Variants in CRTAC1 observed in about 807,000 individuals in gnomAD.
The protein encoded by CRTAC1 is cartilage acidic protein 1.
Under a neutral mutation model 67.8 loss-of-function variants are expected in CRTAC1, and 37 were observed. The ratio of observed to expected loss-of-function variants is 0.55; its 90% CI spans 0.42 to 0.72. The LOEUF is 0.72. Among genes scored for constraint, CRTAC1 ranks in the 30% least tolerant of loss-of-function variants. The pLI is 0.00. For missense variants in CRTAC1, 780 were observed against 931.6 expected (o/e 0.84, Z 2.12); for synonymous variants, 348 against 371.0 (o/e 0.94, Z 0.71).
intron 2 of CRTAC1, among the ~76,000 whole-genome samples, chr10:97,958,085 A>G (rs116696593): frequency 0.012 from 1,816 of 152,140 alleles, 38 homozygotes; most frequent in African/African-American, 0.041. Context: ...TTGGCCTCTC[A>G]AACCTGATGC....
chr10:98,027,262 G>A lies in CRTAC1; in HGVS notation c.24+3187C>T, dbSNP rs533847119. On this transcript the variant is annotated intron_variant, in intron 1 of 14. Coordinates refer to ENST00000370597, the MANE Select transcript of CRTAC1 (RefSeq NM_018058.7). ...CTCAGATGTCGACAGCCAGGCTCTCGGAACAGAAGAAAGGGCAATGGAAAT... is the reference window on the plus strand; with the variant it reads ...CTCAGATGTCGACAGCCAGGCTCTCAGAACAGAAGAAAGGGCAATGGAAAT... 4.0e-4 allele frequency among the ~76,000 whole-genome samples: 61 copies of A among 152,180 alleles called. 1 individual carries two copies. The highest frequency in any genetic ancestry group is 1.4e-3 in the African/African-American group (60 of 41,508).
chr10:97,870,607 A>G (rs1158130457), intron 14 of CRTAC1: 4 of 152,222 alleles, frequency 2.6e-5, no homozygotes, highest in Admixed American at 6.5e-5. Flanking sequence ...ATATTTCAAT[A>G]AAATTCACCA....
chr10:98,009,056 C>G (rs1201126526), intron 2 of CRTAC1, among the ~76,000 whole-genome samples: 4 of 152,166 alleles, frequency 2.6e-5, no homozygotes, highest in African/African-American at 9.7e-5. Flanking sequence ...GAACTGGACA[C>G]AGGCAAGGCT....
At chr10:97,940,690 G>A (rs2051159810) in intron 2 of CRTAC1, among the ~76,000 whole-genome samples, 1 of 152,200 alleles carries the variant, frequency 6.6e-6, no homozygotes, top group African/African-American at 2.4e-5. Flanking sequence ...CCACCTCCTG[G>A]TCTGACCCCA....
At chr10:98,020,903 G>A (rs1397908957) in intron 1 of CRTAC1, among the ~76,000 whole-genome samples, 1 of 152,190 alleles carries the variant, frequency 6.6e-6, no homozygotes, top group East Asian at 1.9e-4. Context: ...TACTGTGTCA[G>A]TACAGTGTGA....
chr10:97,877,283 C>T (rs1207137853), intron 14 of CRTAC1, among the ~76,000 whole-genome samples: 2 of 152,218 alleles, frequency 1.3e-5, no homozygotes, highest in Non-Finnish European at 2.9e-5. Flanking sequence ...GCACTTGGCT[C>T]CTCTATCTGG....
At chr10:97,993,548 A>G (rs1842499418) in intron 2 of CRTAC1, among the ~76,000 whole-genome samples, 1 of 152,234 alleles carries the variant, frequency 6.6e-6, no homozygotes, top group African/African-American at 2.4e-5. Flanking sequence ...AGTGCTGAGC[A>G]CACAACTATG....
In CRTAC1 at chr10:97,865,704, G is replaced by T; in HGVS notation, c.1830C>A (p.Gly610=). 1 of 1,603,304 alleles carries T rather than the reference G, an allele frequency of 6.2e-7. No homozygotes were observed. Among genetic ancestry groups the T allele is most frequent in the Non-Finnish European group, 8.5e-7 (1 of 1,175,250 alleles). The change falls in exon 15 of 15, where the codon GGC becomes GGA. Residue 610 remains glycine, a synonymous_variant. Coordinates refer to ENST00000370597, the MANE Select transcript of CRTAC1 (RefSeq NM_018058.7). ...TGGTGGGGCGGGGGCCCGGTGACTG[G>T]CCGAGAGTCCCTGTAGGGAGGTGTA... The part of the protein sequence containing the change: ...EDGTACVGTL[G]QSPGPRPTTP...
chr10:97,878,581 C>G (rs1280258461), intron 14 of CRTAC1: 2 of 1,296,124 alleles, frequency 1.5e-6, no homozygotes, highest in African/African-American at 3.1e-5. Flanking sequence ...ACTACTGAGG[C>G]TGGTCGTGAG....
At chr10:97,866,867 CCAA>C (rs1440213185) in intron 14 of CRTAC1, 2 of 152,356 alleles carry the variant, frequency 1.3e-5, no homozygotes, top group Admixed American at 1.3e-4. Context: ...GGCTGCCAGG[CCAA>C]CGACTGCTTC....
chr10:97,865,952 C>T (rs894159964), intron 14 of CRTAC1: 8 of 542,966 alleles, frequency 1.5e-5, no homozygotes, highest in Admixed American at 1.0e-4. Context: ...CTGGTCTGGG[C>T]CACACAGAGA....
intron 2 of CRTAC1, among the ~76,000 whole-genome samples, chr10:97,995,391 G>A (rs956927739): frequency 6.6e-6 from 1 of 152,088 alleles, no homozygotes; most frequent in East Asian, 1.9e-4. Flanking sequence ...AAGAGAGTTC[G>A]AGCATCTCTG....
In CRTAC1 at chr10:98,025,118, T is replaced by C. The variant is rs749589301; in HGVS notation, c.24+5331A>G. Reference sequence around the variant, plus strand: ...CTTCCCTCTCCTCTCTGGATCTCAGTGCCCTCGGCTGTGAAATGGGAGAAT... The same window carrying C: ...CTTCCCTCTCCTCTCTGGATCTCAGCGCCCTCGGCTGTGAAATGGGAGAAT... On this transcript the variant is annotated intron_variant, in intron 1 of 14. Coordinates refer to ENST00000370597, the MANE Select transcript of CRTAC1 (RefSeq NM_018058.7). Among the ~76,000 whole-genome samples, 47 of 152,124 alleles carry C rather than the reference T, an allele frequency of 3.1e-4. 1 individual carries two copies. Among genetic ancestry groups the C allele is most frequent in the Non-Finnish European group, 2.9e-5 (2 of 68,020 alleles).
chr10:97,948,853 C>T (rs949504717), intron 2 of CRTAC1, among the ~76,000 whole-genome samples: 8 of 152,200 alleles, frequency 5.3e-5, no homozygotes, highest in Non-Finnish European at 1.0e-4. Flanking sequence ...GGGAAGCAAA[C>T]ACTTCCTTCT....
At chr10:97,993,758 C>T (rs916445239) in intron 2 of CRTAC1, among the ~76,000 whole-genome samples, 15 of 152,264 alleles carry the variant, frequency 9.9e-5, no homozygotes, top group Admixed American at 3.3e-4. Context: ...TGTAGGTGCA[C>T]GGATGAAAAA....
At chr10:97,989,207 A>G (rs916481424) in intron 2 of CRTAC1, among the ~76,000 whole-genome samples, 1 of 152,026 alleles carries the variant, frequency 6.6e-6, no homozygotes, top group African/African-American at 2.4e-5. Flanking sequence ...AGATCATGGG[A>G]CTTCTCAGCC....
chr10:97,884,084 T>C (rs2050248656), intron 12 of CRTAC1, 122 bp downstream of exon 12: 1 of 1,174,330 alleles, frequency 8.5e-7, no homozygotes, highest in South Asian at 1.6e-5. Flanking sequence ...AGCCTTCGCT[T>C]TGCCAAGATT....
At chr10:97,934,279 A>G (rs2051047420) in intron 3 of CRTAC1, among the ~76,000 whole-genome samples, 2 of 152,166 alleles carry the variant, frequency 1.3e-5, no homozygotes, top group South Asian at 4.1e-4. Flanking sequence ...TCCTAATCCA[A>G]TCTTGGCTTG....
At chr10:98,004,016 A>G (rs1842740019) in intron 2 of CRTAC1, among the ~76,000 whole-genome samples, 2 of 152,204 alleles carry the variant, frequency 1.3e-5, no homozygotes, top group African/African-American at 4.8e-5. Context: ...AAGTTTTAAG[A>G]ATGGGCTAAA....
Sources: allele counts gnomAD v4.1 joint callset (sites outside exome capture counted in the v4.1 genomes callset), GRCh38; gene constraint gnomAD v4.1.1; transcripts MANE v1.5; gene names NCBI Gene and HGNC (gene_info 2026-07-23, HGNC 2026-07-21).